Variants in PSG2 observed in about 807,000 individuals in gnomAD.
PSG2 encodes the protein pregnancy-specific beta-1-glycoprotein 2.
In PSG2, 49 loss-of-function variants were observed where a neutral mutation model predicts 36.2. The observed-to-expected ratio is 1.35, with a 90% CI of 1.08 to 1.72. The LOEUF (loss-of-function observed/expected upper bound fraction) is 1.72, where lower values mean the gene tolerates loss of function less well. PSG2 is among the 40% of genes most tolerant of loss of function. The pLI, the probability that PSG2 is intolerant of heterozygous loss-of-function variation, is 0.00. For missense variants in PSG2, 605 were observed against 407.2 expected, an observed-to-expected ratio of 1.49 and a Z score of -4.18; for synonymous variants, 261 against 155.6, an observed-to-expected ratio of 1.68 and a Z score of -5.04.
chr19:43,070,456 T>TGAAAGATAAGTGG (rs918065559), intron 4 of PSG2, among the ~76,000 whole-genome samples: 1 of 151,674 alleles, frequency 6.6e-6, no homozygotes, highest in Non-Finnish European at 1.5e-5. Context: ...AAAAGTCCAT[T>TGAAAGATAAGTGG]GAAAGATAAG....
chr19:43,072,811 G>T (rs142473288), intron 3 of PSG2, among the ~76,000 whole-genome samples: 3 of 151,706 alleles, frequency 2.0e-5, no homozygotes, highest in Non-Finnish European at 2.9e-5. Flanking sequence ...CTGTGAGGCC[G>T]CCTGCTCTGT....
chr19:43,065,342 T>A (rs1248756746), intron 5 of PSG2: 4 of 151,704 alleles, frequency 2.6e-5, no homozygotes, highest in Non-Finnish European at 2.9e-5. Flanking sequence ...TTATGTATGT[T>A]GAAAAAGGTC....
chr19:43,082,436 C>G, intron 1 of PSG2, 70 bp downstream of exon 1: 2 of 1,585,308 alleles, frequency 1.3e-6, no homozygotes, highest in Middle Eastern at 1.7e-4. Context: ...GAACCCCATC[C>G]TCTCCAGGAG....
intron 4 of PSG2, among the ~76,000 whole-genome samples, chr19:43,070,163 T>C (rs1967796007): frequency 6.6e-6 from 1 of 151,642 alleles, no homozygotes; most frequent in Admixed American, 6.6e-5. Context: ...TTAGGATGGC[T>C]TTGATAAACA....
chr19:43,079,724 G>C (rs1967945067), intron 2 of PSG2, among the ~76,000 whole-genome samples: 2 of 151,680 alleles, frequency 1.3e-5, no homozygotes. Flanking sequence ...AGGTGATTTA[G>C]TTCTGGAGTA....
At chr19:43,077,784 A>AT in intron 2 of PSG2, among the ~76,000 whole-genome samples, 1 of 151,826 alleles carries the variant, frequency 6.6e-6, no homozygotes, top group African/African-American at 2.4e-5. Flanking sequence ...AAGTTGAATC[A>AT]GTTGTTCCAC....
At position 43,071,816 on chromosome 19, in the gene PSG2, C is replaced by A. The variant is rs759236061; in HGVS notation, c.848G>T (p.Gly283Val). 2 of 1,613,036 alleles carry A rather than the reference C, an allele frequency of 1.2e-6. No homozygotes were observed. Among genetic ancestry groups the A allele is most frequent in the Non-Finnish European group, 1.7e-6 (2 of 1,179,580 alleles). The change falls in exon 4 of 6, where the codon GGA becomes GTA. Residue 283 changes from glycine to valine, a missense_variant. Transcript: ENST00000406487. ...AATTTGGGGGATAAACAGATTTTGT[C>A]CTGATTGCTGAAACTTCCCATTAAT... ...WTINGKFQQS[G>V]QNLFIPQITT...
At chr19:43,077,139 T>G (rs1401717240) in intron 2 of PSG2, among the ~76,000 whole-genome samples, 1 of 151,698 alleles carries the variant, frequency 6.6e-6, no homozygotes, top group Admixed American at 6.6e-5. Flanking sequence ...GATCCAAACA[T>G]CTAAGATCAA....
chr19:43,072,041 G>T (rs1967826407), intron 3 of PSG2, 87 bp from the exon 4 acceptor site: 1 of 1,519,864 alleles, frequency 6.6e-7, no homozygotes, highest in Non-Finnish European at 8.9e-7. Context: ...GTGACCCTCT[G>T]AGACAAGACA....
In PSG2 at chr19:43,076,600, A is replaced by G. The variant is rs370927494; in HGVS notation, c.431-968T>C. On this transcript the variant is annotated intron_variant, in intron 2 of 5. Coordinates refer to ENST00000406487, the MANE Select transcript of PSG2 (RefSeq NM_031246.4). ...TTCTACTCTGTTTCTGAGTTTAACT[A>G]CCCTATGTACCTCATATCAGTGGAT... 5.3e-5 allele frequency among the ~76,000 whole-genome samples: 8 copies of G among 151,642 alleles called. No homozygotes were observed. In the East Asian group the frequency reaches 5.8e-4, roughly 11 times the overall value.
rs370816753 is a variant in PSG2 at position 43,080,931 on chromosome 19, C to T, written c.380G>A (p.Arg127Gln). The change falls in exon 2 of 6, where the codon CGA becomes CAA. Residue 127 changes from arginine (R) to glutamine (Q), a missense_variant. Coordinates refer to ENST00000406487, the MANE Select transcript of PSG2 (RefSeq NM_031246.4). ...AGTTACTCCTCTAGTCCCATCACCT[C>T]GCTTTATGATGTGTAAGGTGTAGGA... ...AGSYTLHIIK[R>Q]GDGTRGVTGY... 51 of 1,612,668 alleles carry T rather than the reference C, an allele frequency of 3.2e-5. 2 individuals carry two copies. In the African/African-American group the frequency reaches 4.4e-4, roughly 14 times the overall value.
intron 3 of PSG2, chr19:43,072,590 T>C (rs1967835457): frequency 6.2e-7 from 1 of 1,611,148 alleles, no homozygotes; most frequent in African/African-American, 1.3e-5. Flanking sequence ...CTCCCTGGGG[T>C]TTAAGTTGTT....
chr19:43,071,659 C>A, intron 4 of PSG2, 41 bp downstream of exon 4: 2 of 1,612,476 alleles, frequency 1.2e-6, no homozygotes, highest in Non-Finnish European at 1.7e-6. Flanking sequence ...AGATAGACTC[C>A]ACCTAAAACC....
At position 43,075,404 on chromosome 19, in the gene PSG2, C is replaced by T. The variant is rs372916591; in HGVS notation, c.659G>A (p.Arg220Gln). The T allele has an allele frequency of 1.5e-5, 25 of 1,613,018 alleles. 1 individual carries two copies. Among genetic ancestry groups the T allele is most frequent in the African/African-American group, 1.3e-4 (10 of 74,444 alleles). The change falls in exon 3 of 6, where the codon CGG (arginine) becomes CAG (glutamine). Residue 220 changes from arginine to glutamine, a missense_variant. Physicochemically the swap from Arg to Gln is conservative, Grantham distance 43. Transcript: ENST00000406487. ...YTAGPYECEI[R>Q]NSGSASRSDP... ...ACTGCGGCTGGCACTCCCTGAGTTCCGTATTTCACATTCATAGGGTCCTGC... is the reference window on the plus strand; with the variant it reads ...ACTGCGGCTGGCACTCCCTGAGTTCTGTATTTCACATTCATAGGGTCCTGC...
In PSG2 at chr19:43,066,585, C is replaced by T. The variant is rs200060725; in HGVS notation, c.980G>A (p.Gly327Glu). ...TVKVSASTRI[G>E]LLPLLNPT is the part of the protein sequence containing the mutation. The stretch of plus-strand genomic sequence containing the variant: ...TGTTGGATTAAGGAGAGGAAGAAGT[C>T]CTATTCTTGTAGAAGCTGTCATGGA... Residue 327 changes from glycine to glutamate, a missense_variant, in exon 5 of 6, where the codon GGA (glycine) becomes GAA (glutamate). Physicochemically the swap from Gly to Glu is moderately conservative, Grantham distance 98. Coordinates refer to ENST00000406487, the MANE Select transcript of PSG2 (RefSeq NM_031246.4). The T allele has an allele frequency of 1.7e-5, 27 of 1,601,574 alleles. No individual in the cohort carries two copies. The highest frequency in any genetic ancestry group is 2.2e-5 in the Non-Finnish European group (26 of 1,169,412).
intron 3 of PSG2, 126 bp downstream of exon 3, chr19:43,075,228 G>T: frequency 6.3e-7 from 1 of 1,590,562 alleles, no homozygotes; most frequent in Non-Finnish European, 8.6e-7. Flanking sequence ...AGAAAGTCAT[G>T]GCCAGCTTTG....
rs549409033 is a variant in PSG2 at position 43,079,161 on chromosome 19, G to A, written c.430+1720C>T. Among the ~76,000 whole-genome samples the A allele has an allele frequency of 8.6e-5, 13 of 151,740 alleles. 1 individual carries two copies. In the South Asian group the frequency reaches 2.7e-3, roughly 32 times the overall value. On this transcript the variant is annotated intron_variant, in intron 2 of 5. Transcript: ENST00000406487. Reference sequence around the variant, plus strand: ...GGGCTTGCCAGTCAGAATGAAGTGGGAGGAAGATGAGGGACACAGAGAAGC... The same window carrying A: ...GGGCTTGCCAGTCAGAATGAAGTGGAAGGAAGATGAGGGACACAGAGAAGC...
At position 43,077,163 on chromosome 19, in the gene PSG2, T is replaced by G. The variant is rs192919116; in HGVS notation, c.431-1531A>C. ...ATCTAAGATCAATTGCTGGTAGTAG[T>G]ATTTCTCCTGAGACCAAAATAAGGT... On this transcript the variant is annotated intron_variant, in intron 2 of 5. Transcript: ENST00000406487. 4.4e-3 allele frequency among the ~76,000 whole-genome samples: 671 copies of G among 151,736 alleles called. 24 individuals are homozygous for G. Among genetic ancestry groups the G allele is most frequent in the African/African-American group, 0.016 (648 of 41,116 alleles).
Position 43,064,354 on chromosome 19 carries a change from AT to A in PSG2, c.*287del, listed in dbSNP as rs1290778486. 6.8e-6 allele frequency: 2 copies of A among 292,396 alleles called. No homozygotes were observed. The allele number at this position is 292,396 out of a possible 1,614,324, so 18.1% of individuals were successfully genotyped here. Reference sequence around the variant, plus strand: ...TACTTTACCAATTGCTCAAGAAAAAATGTTCATAAATCTGGAGAATGAAACA... The same window carrying A: ...TACTTTACCAATTGCTCAAGAAAAAAGTTCATAAATCTGGAGAATGAAACA... On this transcript the variant is annotated 3_prime_UTR_variant, in exon 6 of 6. Transcript: ENST00000406487.
Sources: allele counts gnomAD v4.1 joint callset (sites outside exome capture counted in the v4.1 genomes callset), GRCh38; gene constraint gnomAD v4.1.1; transcripts MANE v1.5; gene names NCBI Gene and HGNC (gene_info 2026-07-23, HGNC 2026-07-21).